Variants in NPY2R observed in about 807,000 individuals in gnomAD.
NPY2R encodes the protein neuropeptide Y receptor Y2, also known as neuropeptide Y receptor type 2.
NPY2R carries 17 observed loss-of-function variants against 22.3 expected under a neutral mutation model. The ratio of observed to expected loss-of-function variants is 0.76; its 90% confidence interval spans 0.52 to 1.14. The LOEUF (loss-of-function observed/expected upper bound fraction) is 1.14, where lower values mean the gene tolerates loss of function less well. NPY2R is among the 50% of genes most tolerant of loss of function. NPY2R has a pLI of 0.00. For missense variants in NPY2R, 424 were observed against 467.9 expected (o/e 0.91, Z 0.87); for synonymous variants, 209 against 183.4 (o/e 1.14, Z -1.13).
the NPY2R span, among the ~76,000 whole-genome samples, chr4:155,202,356 G>A: frequency 0.011 from 1,691 of 152,228 alleles, 18 homozygotes; most frequent in Non-Finnish European, 0.019. Context: ...AGTCCACTCA[G>A]AAATCTCAAT....
chr4:155,192,451 G>C, the NPY2R span, among the ~76,000 whole-genome samples: 1 of 151,718 alleles, frequency 6.6e-6, no homozygotes, highest in South Asian at 2.1e-4. Flanking sequence ...TCATTGCACA[G>C]GATAATTTGT....
chr4:155,192,831 GAGGAAGAGGAGA>G, the NPY2R span, among the ~76,000 whole-genome samples: 2 of 151,938 alleles, frequency 1.3e-5, no homozygotes, highest in African/African-American at 2.4e-5. Flanking sequence ...CTCTGGAAGT[GAGGAAGAGGAGA>G]AGGAATCATT....
the NPY2R span, among the ~76,000 whole-genome samples, chr4:155,176,001 C>T: frequency 3.9e-5 from 6 of 152,092 alleles, no homozygotes; most frequent in African/African-American, 1.4e-4. Context: ...AAGTTTAAAA[C>T]TTGAAATGTA....
At chr4:155,201,356 T>C in the NPY2R span, among the ~76,000 whole-genome samples, 3 of 152,112 alleles carry the variant, frequency 2.0e-5, no homozygotes, top group African/African-American at 7.2e-5. Context: ...GTTATAAGTC[T>C]AAATACTCTG....
At chr4:155,179,635 C>T in the NPY2R span, among the ~76,000 whole-genome samples, 3 of 152,212 alleles carry the variant, frequency 2.0e-5, no homozygotes, top group Admixed American at 6.5e-5. Context: ...TCATCTCTGG[C>T]AACTGCTGTT....
chr4:155,180,805 T>G, the NPY2R span, among the ~76,000 whole-genome samples: 1 of 151,726 alleles, frequency 6.6e-6, no homozygotes, highest in East Asian at 1.9e-4. Flanking sequence ...TTAAATATTT[T>G]CTTGATTTTA....
the NPY2R span, among the ~76,000 whole-genome samples, chr4:155,198,171 C>T: frequency 2.0e-4 from 30 of 151,976 alleles, no homozygotes; most frequent in African/African-American, 7.2e-4. Flanking sequence ...TCTGGGCTTT[C>T]CTCTAAAATG....
intron 1 of NPY2R, among the ~76,000 whole-genome samples, chr4:155,211,337 T>C (rs1053344978): frequency 2.0e-5 from 3 of 152,044 alleles, no homozygotes; most frequent in Admixed American, 2.0e-4. Flanking sequence ...GCACAGGGGC[T>C]TGGGGTAACT....
chr4:155,211,990 C>G (rs1408894378), intron 1 of NPY2R, among the ~76,000 whole-genome samples: 1 of 152,186 alleles, frequency 6.6e-6, no homozygotes, highest in Non-Finnish European at 1.5e-5. Flanking sequence ...CAGCCAGAAT[C>G]CCAAGGACTT....
At chr4:155,203,293 C>T in the NPY2R span, among the ~76,000 whole-genome samples, 5 of 152,082 alleles carry the variant, frequency 3.3e-5, no homozygotes, top group Admixed American at 3.3e-4. Context: ...ATTCATATTG[C>T]ATACAAATAT....
At chr4:155,199,912 G>A in the NPY2R span, among the ~76,000 whole-genome samples, 1 of 151,948 alleles carries the variant, frequency 6.6e-6, no homozygotes, top group Admixed American at 6.6e-5. Flanking sequence ...AAAAATCCTA[G>A]AGAAAATCTA....
intron 1 of NPY2R, among the ~76,000 whole-genome samples, chr4:155,211,918 G>A (rs1242411681): frequency 6.6e-6 from 1 of 152,206 alleles, no homozygotes; most frequent in Admixed American, 6.5e-5. Context: ...AGAGAGGGAG[G>A]AAGAAGAATA....
the NPY2R span, among the ~76,000 whole-genome samples, chr4:155,201,428 A>G: frequency 6.6e-6 from 1 of 152,198 alleles, no homozygotes; most frequent in Non-Finnish European, 1.5e-5. Flanking sequence ...AACTCAGCTC[A>G]GGAGCCAGGA....
At chr4:155,189,494 C>G in the NPY2R span, among the ~76,000 whole-genome samples, 1 of 151,920 alleles carries the variant, frequency 6.6e-6, no homozygotes, top group African/African-American at 2.4e-5. Context: ...GACTTATCAC[C>G]TTGTGACATA....
chr4:155,206,481 C>T (rs1560761837), upstream of NPY2R: 1 of 152,206 alleles, frequency 6.6e-6, no homozygotes, highest in Non-Finnish European at 1.5e-5. Context: ...CACAGCTCTC[C>T]TTGATAATAT....
rs1560766194 is a variant in NPY2R at position 155,215,580 on chromosome 4, C to G, written c.*495C>G. The G allele has an allele frequency of 5.0e-6, 1 of 200,514 alleles. No individual in the cohort carries two copies. Among genetic ancestry groups the G allele is most frequent in the South Asian group, 1.1e-4 (1 of 8,900 alleles). 12.4% of individuals were successfully genotyped at this position (200,514 alleles called of 1,614,324 possible). A position where few individuals can be genotyped will look rare whatever the true frequency, so the allele number is the denominator to read the frequency against. The stretch of plus-strand genomic sequence containing the variant: ...GCATTTTGATTTTTTTGTTCATTCT[C>G]TAGACAAAATCCATCAGGGAATGCT... On this transcript the variant is annotated 3_prime_UTR_variant, in exon 2 of 2. Transcript: ENST00000329476.
the NPY2R span, among the ~76,000 whole-genome samples, chr4:155,175,699 T>G: frequency 1.3e-5 from 2 of 152,162 alleles, no homozygotes; most frequent in Non-Finnish European, 2.9e-5. Flanking sequence ...CTAGCTCATC[T>G]TTGCTCACAT....
In NPY2R at chr4:155,214,321, T is replaced by C. The variant is rs1312301669; in HGVS notation, c.382T>C (p.Tyr128His). Reference sequence around the variant, plus strand: ...TCCTGTCCTGTGCCACCTGGTGCCCTATGCCCAGGGCCTGGCAGTACAAGT... The same window carrying C: ...TCCTGTCCTGTGCCACCTGGTGCCCCATGCCCAGGGCCTGGCAGTACAAGT... ...MGPVLCHLVP[Y>H]AQGLAVQVST... Residue 128 changes from tyrosine to histidine, a missense_variant, in exon 2 of 2, where the codon TAT (tyrosine) becomes CAT (histidine). Coordinates refer to ENST00000329476, the MANE Select transcript of NPY2R (RefSeq NM_000910.4). 1 of 1,614,086 alleles carries C rather than the reference T, an allele frequency of 6.2e-7. No individual in the cohort carries two copies. Among genetic ancestry groups the C allele is most frequent in the African/African-American group, 1.3e-5 (1 of 74,942 alleles).
At position 155,214,117 on chromosome 4, in the gene NPY2R, A is replaced by T; in HGVS notation, c.178A>T (p.Ile60Phe). The T allele has an allele frequency of 1.9e-6, 3 of 1,614,012 alleles. No individual in the cohort carries two copies. The South Asian group carries it at 3.3e-5, about 18-fold the overall frequency. ...QVVLILAYCS[I>F]ILLGVIGNSL... ...TGTTCTCATATTGGCCTACTGCTCC[A>T]TCATCTTGCTTGGGGTAATTGGCAA... The change falls in exon 2 of 2, where the codon ATC (isoleucine) becomes TTC (phenylalanine). Residue 60 changes from isoleucine to phenylalanine, a missense_variant. Physicochemically the swap from Ile to Phe is conservative, Grantham distance 21. Transcript: ENST00000329476.
Sources: gnomAD v4.1 joint callset for allele counts (sites outside exome capture counted in the v4.1 genomes callset) on GRCh38, gnomAD v4.1.1 for gene constraint, MANE v1.5 for transcripts, NCBI Gene and HGNC (gene_info 2026-07-23, HGNC 2026-07-21) for gene names.